Variants in MAP4K3 observed in about 807,000 individuals in gnomAD.
MAP4K3 encodes mitogen-activated protein kinase kinase kinase kinase 3.
Under a neutral mutation model 143.5 loss-of-function variants are expected in MAP4K3, and 94 were observed. That is an observed-to-expected ratio of 0.65 (90% CI 0.55 to 0.78). The LOEUF (loss-of-function observed/expected upper bound fraction) is 0.78. Ranked by LOEUF, MAP4K3 falls within the 30% of genes least tolerant of loss-of-function variation. MAP4K3 has a pLI of 0.00. For missense variants in MAP4K3, 1,077 were observed against 1,068.1 expected (o/e 1.01, Z -0.12); for synonymous variants, 416 against 347.2 (o/e 1.20, Z -2.20).
intron 1 of MAP4K3, among the ~76,000 whole-genome samples, chr2:39,434,045 T>C (rs992678090): frequency 6.6e-6 from 1 of 152,158 alleles, no homozygotes; most frequent in African/African-American, 2.4e-5. Context: ...CACGCCACCT[T>C]AAGTACAATA....
intron 19 of MAP4K3, among the ~76,000 whole-genome samples, 184 bp downstream of exon 19, chr2:39,290,108 G>GACA (rs1681976002): frequency 1.8e-5 from 2 of 110,198 alleles, no homozygotes; most frequent in Non-Finnish European, 3.6e-5. Context: ...AAAAAAAAAA[G>GACA]AACACTAAAT....
At chr2:39,309,313 C>T (rs1449656926) in intron 14 of MAP4K3, 148 bp downstream of exon 14, 2 of 557,448 alleles carry the variant, frequency 3.6e-6, no homozygotes, top group Non-Finnish European at 3.1e-6. Context: ...TTTGTAGAGA[C>T]AGGGTCTTAC....
intron 31 of MAP4K3, among the ~76,000 whole-genome samples, chr2:39,257,069 C>G (rs1306446090): frequency 6.6e-6 from 1 of 152,138 alleles, no homozygotes; most frequent in Non-Finnish European, 1.5e-5. Flanking sequence ...GAATGACATT[C>G]TAGTTGGGAG....
chr2:39,350,865 G>A (rs13421715), intron 3 of MAP4K3, among the ~76,000 whole-genome samples: 12,272 of 152,054 alleles, frequency 0.081, 691 homozygotes, highest in South Asian at 0.13. Context: ...CCAACTACAC[G>A]TGGCCCTCTG....
chr2:39,306,892 T>C (rs1040725816), intron 15 of MAP4K3, among the ~76,000 whole-genome samples: 12 of 152,250 alleles, frequency 7.9e-5, no homozygotes, highest in South Asian at 2.1e-4. Flanking sequence ...TATTGTATGT[T>C]AGCTTCCCTC....
Position 39,272,522 on chromosome 2 carries a change from T to G in MAP4K3, c.1815A>C (p.Thr605=). The change falls in exon 25 of 34, where the codon ACA becomes ACC. Residue 605 remains threonine, a synonymous_variant. Coordinates refer to ENST00000263881, the MANE Select transcript of MAP4K3 (RefSeq NM_003618.4). ...SMEQLFPRRC[T]WLYVMNNCLL... is the part of the protein sequence containing the mutation. ...AGCAATTGTTCATTACATACAACCA[T>G]GTACACCTTCGAGGGAATAGCTGAT... is the stretch of plus-strand genomic sequence containing the variant. 1 of 1,613,408 alleles carries G rather than the reference T, an allele frequency of 6.2e-7. No individual in the cohort carries two copies. The highest frequency in any genetic ancestry group is 8.5e-7 in the Non-Finnish European group (1 of 1,179,604).
Position 39,407,436 on chromosome 2 carries a change from C to T in MAP4K3, c.97-29313G>A, listed in dbSNP as rs148676459. ...CTGAAGAAGTGGTTTGGCTTAAAAA[C>T]GTCAAGAAAACAGAAGAAACAGCTA... On this transcript the variant is annotated intron_variant, in intron 1 of 33. Transcript: ENST00000263881. 2.2e-4 allele frequency among the ~76,000 whole-genome samples: 34 copies of T among 152,006 alleles called. No homozygotes were observed. The East Asian group carries it at 5.2e-3, about 23-fold the overall frequency.
chr2:39,421,384 T>G (rs972269884), intron 1 of MAP4K3, among the ~76,000 whole-genome samples: 3 of 148,694 alleles, frequency 2.0e-5, no homozygotes, highest in African/African-American at 7.5e-5. Context: ...TTTTTTTTTT[T>G]TTTTTTTGTA....
intron 1 of MAP4K3, among the ~76,000 whole-genome samples, chr2:39,397,193 TA>T (rs760070585): frequency 4.6e-5 from 7 of 151,494 alleles, no homozygotes; most frequent in South Asian, 2.1e-4. Context: ...ACTTTGGTAC[TA>T]AAAAAAAATC....
chr2:39,386,468 G>A (rs911755480), intron 1 of MAP4K3, among the ~76,000 whole-genome samples: 3 of 152,166 alleles, frequency 2.0e-5, no homozygotes, highest in African/African-American at 4.8e-5. Context: ...TCACATCCAA[G>A]ATCTTTTTGC....
chr2:39,376,886 T>C (rs531466269), intron 2 of MAP4K3, among the ~76,000 whole-genome samples: 37 of 152,222 alleles, frequency 2.4e-4, no homozygotes, highest in Admixed American at 4.6e-4. Context: ...ACTTCAAATA[T>C]CCTTCTTAAA....
At chr2:39,293,517 T>C (rs1000230593) in intron 16 of MAP4K3, among the ~76,000 whole-genome samples, 1 of 152,116 alleles carries the variant, frequency 6.6e-6, no homozygotes, top group Non-Finnish European at 1.5e-5. Flanking sequence ...AATCCTAATA[T>C]TTATTGAAAA....
chr2:39,328,106 G>A (rs187638454), intron 8 of MAP4K3, among the ~76,000 whole-genome samples: 273 of 152,312 alleles, frequency 1.8e-3, no homozygotes, highest in African/African-American at 6.2e-3. Flanking sequence ...CGAGGCAGGT[G>A]GATGGTTTGA....
intron 33 of MAP4K3, 95 bp downstream of exon 33, chr2:39,251,735 C>T (rs145010186): frequency 6.3e-4 from 630 of 997,890 alleles, no homozygotes; most frequent in Non-Finnish European, 8.6e-4. Flanking sequence ...GAACATATTG[C>T]AGACATTTCA....
intron 22 of MAP4K3, among the ~76,000 whole-genome samples, chr2:39,281,020 A>G (rs1023640113): frequency 6.6e-6 from 1 of 152,210 alleles, no homozygotes; most frequent in Non-Finnish European, 1.5e-5. Context: ...TGAACTTTAT[A>G]TTATCAAAGA....
At chr2:39,377,449 T>G (rs757334713) in intron 2 of MAP4K3, among the ~76,000 whole-genome samples, 15 of 150,680 alleles carry the variant, frequency 1.0e-4, no homozygotes, top group Non-Finnish European at 1.8e-4. Flanking sequence ...AAACAAAGAG[T>G]GAGTAATTAG....
At chr2:39,270,917 A>G (rs749283804) in intron 26 of MAP4K3, among the ~76,000 whole-genome samples, 16 of 152,200 alleles carry the variant, frequency 1.1e-4, no homozygotes, top group Non-Finnish European at 1.9e-4. Context: ...TTACTAGATA[A>G]TGAAACTGAA....
At chr2:39,338,804 T>G (rs1665056553) in intron 4 of MAP4K3, among the ~76,000 whole-genome samples, 1 of 152,156 alleles carries the variant, frequency 6.6e-6, no homozygotes, top group South Asian at 2.1e-4. Context: ...TTTTTGCCCT[T>G]CCATCTCTTC....
Position 39,272,382 on chromosome 2 carries a change from T to C in MAP4K3, c.1874A>G (p.Tyr625Cys). 6.2e-7 allele frequency: 1 copy of C among 1,613,340 alleles called. No individual in the cohort carries two copies. The highest frequency in any genetic ancestry group is 1.1e-5 in the South Asian group (1 of 91,020). The change falls in exon 26 of 34, where the codon TAT becomes TGT. Residue 625 changes from tyrosine to cysteine, a missense_variant. By Grantham distance (194) the Tyr-to-Cys change is radical. Transcript: ENST00000263881. The stretch of plus-strand genomic sequence containing the variant: ...AAAAAGCCCTGGTAAATTATGGGAA[T>C]AAAGCTGAGAAGCTTTACCTATAAA... ...LSISGKASQL[Y>C]SHNLPGLFDY... is the part of the protein sequence containing the mutation.
Sources: allele counts gnomAD v4.1 joint callset (sites outside exome capture counted in the v4.1 genomes callset), GRCh38; gene constraint gnomAD v4.1.1; transcripts MANE v1.5; gene names NCBI Gene and HGNC (gene_info 2026-07-23, HGNC 2026-07-21).